AOAH: variants seen among roughly 807,000 people sequenced by gnomAD.
AOAH encodes acyloxyacyl hydrolase.
A neutral mutation model predicts 92.2 loss-of-function variants in AOAH; 64 were observed. The ratio of observed to expected loss-of-function variants is 0.69; its 90% confidence interval spans 0.57 to 0.86. The LOEUF is 0.86. AOAH is among the 40% of genes least tolerant of loss of function. The pLI is 0.00. For missense variants in AOAH, 656 were observed against 694.6 expected (o/e 0.94, Z 0.62); for synonymous variants, 263 against 254.5 (o/e 1.03, Z -0.32).
chr7:36,673,762 TA>T (rs1268133214), intron 3 of AOAH, among the ~76,000 whole-genome samples, 180 bp downstream of exon 3: 7 of 152,170 alleles, frequency 4.6e-5, no homozygotes, highest in Admixed American at 4.6e-4. Context: ...AGCCTTTGCG[TA>T]GAGTGACGAA....
intron 20 of AOAH, among the ~76,000 whole-genome samples, chr7:36,521,410 G>T (rs367778038): frequency 2.0e-5 from 3 of 152,220 alleles, no homozygotes; most frequent in African/African-American, 7.2e-5. Flanking sequence ...AGCTTCTCTG[G>T]TTGAAGCCAG....
At chr7:36,548,502 G>A in intron 15 of AOAH, 110 bp downstream of exon 15, 1 of 947,078 alleles carries the variant, frequency 1.1e-6, no homozygotes, top group East Asian at 2.7e-5. Flanking sequence ...CTAAGATAGA[G>A]AAATTCAGCT....
chr7:36,653,743 C>A lies in AOAH; in HGVS notation c.390+5423G>T, dbSNP rs952519721. On this transcript the variant is annotated intron_variant, in intron 4 of 20. Coordinates refer to ENST00000617537, the MANE Select transcript of AOAH (RefSeq NM_001637.4). ...AATATGATTCTCTTTTAATGTAGAT[C>A]AAAGTGGCTGAAGTAAGTCTTGAGT... Among the ~76,000 whole-genome samples, 3 of 152,178 alleles carry A rather than the reference C, an allele frequency of 2.0e-5. No individual in the cohort carries two copies. In the East Asian group the frequency reaches 5.8e-4, roughly 29 times the overall value.
chr7:36,640,432 G>C (rs1434472908), intron 4 of AOAH, among the ~76,000 whole-genome samples: 1 of 152,176 alleles, frequency 6.6e-6, no homozygotes, highest in Non-Finnish European at 1.5e-5. Context: ...AAAGGTGAAG[G>C]CTACATGGGG....
chr7:36,647,845 T>C (rs1794316468), intron 4 of AOAH, among the ~76,000 whole-genome samples: 1 of 151,978 alleles, frequency 6.6e-6, no homozygotes, highest in Non-Finnish European at 1.5e-5. Flanking sequence ...TTCTTTTTTT[T>C]TTTTTGGTGG....
chr7:36,583,086 C>A (rs1439376800), intron 12 of AOAH, among the ~76,000 whole-genome samples: 1 of 152,062 alleles, frequency 6.6e-6, no homozygotes, highest in Admixed American at 6.6e-5. Context: ...CTCAGGTGAT[C>A]CTCTTGTTAG....
chr7:36,679,852 TTC>T (rs1379612440), intron 2 of AOAH, among the ~76,000 whole-genome samples: 48 of 152,112 alleles, frequency 3.2e-4, no homozygotes, highest in Admixed American at 1.4e-3. Flanking sequence ...GAGATGGGGT[TTC>T]ACCACGTTGG....
chr7:36,621,320 C>A (rs568057803), intron 8 of AOAH, among the ~76,000 whole-genome samples: 2 of 152,270 alleles, frequency 1.3e-5, no homozygotes, highest in Non-Finnish European at 2.9e-5. Flanking sequence ...CTTCTCCTTA[C>A]TCCCGGAGGG....
At chr7:36,607,031 G>A (rs1433097820) in intron 11 of AOAH, among the ~76,000 whole-genome samples, 2 of 152,166 alleles carry the variant, frequency 1.3e-5, no homozygotes, top group Admixed American at 1.3e-4. Flanking sequence ...CTTTCCAGAT[G>A]AATACACTCC....
At chr7:36,587,099 C>T (rs1397590216) in intron 12 of AOAH, among the ~76,000 whole-genome samples, 1 of 151,794 alleles carries the variant, frequency 6.6e-6, no homozygotes, top group Non-Finnish European at 1.5e-5. Flanking sequence ...TGGTGAAACC[C>T]TGTCTCTACT....
chr7:36,637,123 C>T (rs548728492), intron 5 of AOAH, among the ~76,000 whole-genome samples: 3 of 152,200 alleles, frequency 2.0e-5, no homozygotes, highest in Non-Finnish European at 4.4e-5. Context: ...CGTAAGCCTG[C>T]GAGAACTGAT....
At chr7:36,618,100 C>T (rs1792025889) in intron 10 of AOAH, among the ~76,000 whole-genome samples, 197 bp downstream of exon 10, 1 of 152,046 alleles carries the variant, frequency 6.6e-6, no homozygotes, top group Non-Finnish European at 1.5e-5. Context: ...AAGATTCTGC[C>T]CTCTTTCCTC....
intron 13 of AOAH, among the ~76,000 whole-genome samples, chr7:36,566,820 C>T (rs1051390371): frequency 3.3e-5 from 5 of 152,148 alleles, no homozygotes; most frequent in Admixed American, 6.5e-5. Context: ...TCAGTGAACA[C>T]ACTGCGCAGA....
At chr7:36,608,211 C>T (rs2718181) in intron 11 of AOAH, among the ~76,000 whole-genome samples, 12,656 of 152,250 alleles carry the variant, frequency 0.083, 675 homozygotes, top group African/African-American at 0.14. Context: ...GACCCCTATC[C>T]AGTTATCTTA....
At chr7:36,621,662 C>T (rs369563422) in intron 8 of AOAH, 48 bp downstream of exon 8, 1 of 1,578,468 alleles carries the variant, frequency 6.3e-7, no homozygotes, top group South Asian at 1.1e-5. Context: ...CTCCTGCTTC[C>T]TTTTCTGAAG....
intron 2 of AOAH, among the ~76,000 whole-genome samples, chr7:36,677,923 ATTAGTGGT>A (rs1250458390): frequency 2.0e-5 from 3 of 152,168 alleles, no homozygotes; most frequent in Non-Finnish European, 4.4e-5. Context: ...CAGAAAGTAG[ATTAGTGGT>A]TTCTTAGGGC....
chr7:36,530,590 A>T (rs1248011577), intron 18 of AOAH, 76 bp from the exon 19 acceptor site: 4 of 958,140 alleles, frequency 4.2e-6, no homozygotes, highest in Non-Finnish European at 6.7e-6. Flanking sequence ...GGCAGAACAA[A>T]GAAATCGATC....
chr7:36,593,596 A>G (rs2727805), intron 12 of AOAH, among the ~76,000 whole-genome samples: 79,061 of 152,082 alleles, frequency 0.52, 20,635 homozygotes, highest in Middle Eastern at 0.59. Context: ...CATGGAAGCC[A>G]TTCATTTGCC....
chr7:36,616,525 C>T, intron 10 of AOAH, 51 bp from the exon 11 acceptor site: 2 of 1,484,674 alleles, frequency 1.3e-6, no homozygotes, highest in Non-Finnish European at 1.9e-6. Flanking sequence ...TAGTTTGGAA[C>T]CTCCAGACTG....
Sources: gnomAD v4.1 joint callset for allele counts (sites outside exome capture counted in the v4.1 genomes callset) on GRCh38, gnomAD v4.1.1 for gene constraint, MANE v1.5 for transcripts, NCBI Gene and HGNC (gene_info 2026-07-23, HGNC 2026-07-21) for gene names.